The following CASP6 variants were observed in gnomAD, a reference collection of about 807,000 sequenced individuals.
CASP6 encodes the protein caspase-6.
CASP6 carries 20 observed loss-of-function variants against 31.8 expected under a neutral mutation model. That is an observed-to-expected ratio of 0.63 (90% CI 0.44 to 0.91). The LOEUF is 0.91. Ranked by LOEUF, CASP6 falls within the 40% of genes least tolerant of loss-of-function variation. The pLI, the probability that CASP6 is intolerant of heterozygous loss-of-function variation, is 0.00. For missense variants in CASP6, 328 were observed against 361.1 expected (o/e 0.91, Z 0.74); for synonymous variants, 130 against 127.8 (o/e 1.02, Z -0.12).
Position 109,690,842 on chromosome 4 carries a change from C to T in CASP6, c.643+8G>A. ...GGCAATTATATGTTTGTTTTAAACA[C>T]CACACACCTTCTGCAACAGAGTAAC... On this transcript the variant is annotated splice_region_variant and intron_variant, in intron 6 of 6. Coordinates refer to ENST00000265164, the MANE Select transcript of CASP6 (RefSeq NM_001226.4). 1 of 1,600,496 alleles carries T rather than the reference C, an allele frequency of 6.2e-7. No individual in the cohort carries two copies. Among genetic ancestry groups the T allele is most frequent in the Non-Finnish European group, 8.5e-7 (1 of 1,173,946 alleles).
chr4:109,672,537 A>G, the CASP6 span, among the ~76,000 whole-genome samples: 1 of 152,236 alleles, frequency 6.6e-6, no homozygotes, highest in Non-Finnish European at 1.5e-5. Context: ...GAAGAAATTC[A>G]TAAGTCTATG....
chr4:109,691,885 AAG>A (rs1730067868), intron 5 of CASP6: 1 of 152,190 alleles, frequency 6.6e-6, no homozygotes, highest in Non-Finnish European at 1.5e-5. Context: ...ACAAGCCAAA[AAG>A]GGAGGCCTCA....
downstream of CASP6, chr4:109,685,455 A>C (rs1729819068): frequency 3.3e-6 from 2 of 612,656 alleles, no homozygotes; most frequent in Admixed American, 5.0e-5. Context: ...ATCCTCACAA[A>C]TTAAATCTTG....
At chr4:109,683,559 A>T in the CASP6 span, among the ~76,000 whole-genome samples, 2 of 152,318 alleles carry the variant, frequency 1.3e-5, no homozygotes, top group East Asian at 3.9e-4. Flanking sequence ...ATCATTTCAG[A>T]TTTCCTTTAT....
At chr4:109,668,283 A>G in the CASP6 span, among the ~76,000 whole-genome samples, 1 of 152,008 alleles carries the variant, frequency 6.6e-6, no homozygotes, top group African/African-American at 2.4e-5. Flanking sequence ...TTGTAGTTCT[A>G]TTAGTTTTTG....
chr4:109,669,053 A>T, the CASP6 span, among the ~76,000 whole-genome samples: 1 of 152,122 alleles, frequency 6.6e-6, no homozygotes, highest in Admixed American at 6.5e-5. Flanking sequence ...ACCGACTGTT[A>T]TCTAGTAGAT....
chr4:109,687,569 G>T (rs1396112520), downstream of CASP6: 1 of 1,610,506 alleles, frequency 6.2e-7, no homozygotes. Flanking sequence ...AATGCAAGTA[G>T]AAGAACTCAA....
chr4:109,693,444 C>G (rs1433527576), intron 5 of CASP6, among the ~76,000 whole-genome samples: 2 of 152,092 alleles, frequency 1.3e-5, no homozygotes, highest in African/African-American at 2.4e-5. Context: ...TCCCAACACT[C>G]TGGGAGGCCA....
downstream of CASP6, chr4:109,688,260 T>A (rs1729899975): frequency 6.6e-6 from 1 of 152,234 alleles, no homozygotes; most frequent in Non-Finnish European, 1.5e-5. Context: ...TTATTCAGAT[T>A]CTATATCATA....
chr4:109,683,920 A>T (rs1729773129), downstream of CASP6, among the ~76,000 whole-genome samples: 1 of 152,180 alleles, frequency 6.6e-6, no homozygotes, highest in Non-Finnish European at 1.5e-5. Flanking sequence ...GGCAGTTATT[A>T]CCTTTATAGT....
chr4:109,696,476 G>C lies in CASP6; in HGVS notation c.241C>G (p.Leu81Val). 2 of 1,610,124 alleles carry C rather than the reference G, an allele frequency of 1.2e-6. No homozygotes were observed. Among genetic ancestry groups the C allele is most frequent in the South Asian group, 1.1e-5 (1 of 90,830 alleles). The change falls in exon 4 of 7, where the codon CTA becomes GTA. Residue 81 changes from leucine (L) to valine (V), a missense_variant. Physicochemically the swap from Leu to Val is conservative, Grantham distance 32 (BLOSUM62 1). Transcript: ENST00000265164. ...TTAAAGCATTTCACTTCAAATCCTA[G>C]ATCTGAAAACCTAGTGGTATATTAA... ...RDNLTRRFSDLGFEVKCFNDL... is the reference protein window; with the variant it reads ...RDNLTRRFSDVGFEVKCFNDL...
the CASP6 span, among the ~76,000 whole-genome samples, chr4:109,667,000 T>G: frequency 2.0e-4 from 30 of 152,198 alleles, no homozygotes; most frequent in African/African-American, 7.0e-4. Flanking sequence ...ATTATTTTGC[T>G]GAGGATTTTT....
Position 109,694,645 on chromosome 4 carries a change from A to G in CASP6, c.363T>C (p.His121=). The change falls in exon 5 of 7, where the codon CAT becomes CAC. Residue 121 remains histidine (H), a synonymous_variant. Transcript: ENST00000265164. ...ADCFVCVFLS[H]GEGNHIYAYD... Reference sequence around the variant, plus strand: ...ATGCATAAATGTGATTGCCTTCGCCATGGCTCAGGAAGACACACACAAAGC... The same window carrying G: ...ATGCATAAATGTGATTGCCTTCGCCGTGGCTCAGGAAGACACACACAAAGC... The G allele has an allele frequency of 6.2e-7, 1 of 1,612,678 alleles. No individual in the cohort carries two copies. The highest frequency in any genetic ancestry group is 8.5e-7 in the Non-Finnish European group (1 of 1,179,490).
intron 5 of CASP6, among the ~76,000 whole-genome samples, chr4:109,693,808 G>A (rs1041930164): frequency 6.6e-6 from 1 of 150,526 alleles, no homozygotes; most frequent in Non-Finnish European, 1.5e-5. Context: ...GTATGCTCTC[G>A]GCTAACTACA....
the CASP6 span, among the ~76,000 whole-genome samples, chr4:109,683,517 CCA>C: frequency 6.6e-6 from 1 of 152,170 alleles, no homozygotes; most frequent in Non-Finnish European, 1.5e-5. Context: ...ACCCTGTCCT[CCA>C]CACAGTTACT....
Position 109,695,573 on chromosome 4 carries a change from C to T in CASP6, c.307+837G>A, listed in dbSNP as rs947155396. ...GTGTTCAAGACCAGCCTGGCCAACA[C>T]GGTGAAACCCCATCTCTACTAAAAA... On this transcript the variant is annotated intron_variant, in intron 4 of 6. Transcript: ENST00000265164. Among the ~76,000 whole-genome samples the T allele has an allele frequency of 4.6e-5, 7 of 152,008 alleles. No homozygotes were observed. The East Asian group carries it at 9.7e-4, about 21-fold the overall frequency.
chr4:109,703,848 T>C (rs1456266676), upstream of CASP6, among the ~76,000 whole-genome samples: 2 of 152,228 alleles, frequency 1.3e-5, no homozygotes, highest in Non-Finnish European at 2.9e-5. Context: ...ATAGATTGTT[T>C]TATACCGCTT....
chr4:109,693,408 C>A (rs1447023967), intron 5 of CASP6, among the ~76,000 whole-genome samples: 1 of 152,182 alleles, frequency 6.6e-6, no homozygotes, highest in African/African-American at 2.4e-5. Context: ...AAATCTTTGG[C>A]CGGGCACAGT....
chr4:109,696,781 GTT>G (rs757024540), intron 3 of CASP6, among the ~76,000 whole-genome samples: 20 of 126,708 alleles, frequency 1.6e-4, no homozygotes, highest in East Asian at 4.9e-4. Flanking sequence ...ACTCAGGCAA[GTT>G]TTTTTTTTTT....
Sources: allele counts gnomAD v4.1 joint callset (sites outside exome capture counted in the v4.1 genomes callset), GRCh38; gene constraint gnomAD v4.1.1; transcripts MANE v1.5; gene names NCBI Gene and HGNC (gene_info 2026-07-23, HGNC 2026-07-21).